NPFF: variants seen among roughly 807,000 people sequenced by gnomAD.
NPFF encodes neuropeptide FF-amide peptide precursor, also known as pro-FMRFamide-related neuropeptide FF.
A neutral mutation model predicts 12.9 loss-of-function variants in NPFF; 14 were observed. The observed-to-expected ratio is 1.09, with a 90% CI of 0.72 to 1.70. The LOEUF (loss-of-function observed/expected upper bound fraction) is 1.70. Ranked by LOEUF, NPFF falls within the 40% of genes most tolerant of loss-of-function variation. The pLI, the probability that NPFF is intolerant of heterozygous loss-of-function variation, is 0.00. For missense variants in NPFF, 140 were observed against 135.7 expected (o/e 1.03, Z -0.16); for synonymous variants, 56 against 57.3 (o/e 0.98, Z 0.10).
chr12:53,507,430 TAAC>T lies in NPFF; in HGVS notation c.42_44del (p.Leu15del), dbSNP rs777781640. ...GCCCTTCAGCACAGCCCCCGTCTAT[TAAC>T]AGCAGCAGCACCAGCAGTGCAGCAG... On this transcript the variant is annotated inframe_deletion, in exon 1 of 3. Transcript: ENST00000267017. 10 of 1,613,770 alleles carry T rather than the reference TAAC, an allele frequency of 6.2e-6. No individual in the cohort carries two copies. The highest frequency in any genetic ancestry group is 4.4e-5 in the South Asian group (4 of 91,078).
At chr12:53,506,924 A>G (rs1271096081) in intron 2 of NPFF, 31 bp from the exon 3 acceptor site, 2 of 1,579,062 alleles carry the variant, frequency 1.3e-6, no homozygotes, top group East Asian at 4.5e-5. Flanking sequence ...AGGTCCCCGC[A>G]GTCTCCCTTC....
Position 53,506,887 on chromosome 12 carries a change from G to A in NPFF, c.231C>T (p.Gly77=). 1 of 1,591,670 alleles carries A rather than the reference G, an allele frequency of 6.3e-7. No individual in the cohort carries two copies. The highest frequency in any genetic ancestry group is 1.1e-5 in the South Asian group (1 of 87,532). Residue 77 remains glycine (G), a synonymous_variant, in exon 3 of 3, where the codon GGC becomes GGT. Transcript: ENST00000267017. ...TCCTCCAGGATCCCTGGGTATTTCT[G>A]CCAAACCTTAGGAAAGATTTGTCCT... ...QAFLFQPQRF[G]RNTQGSWRNE...
chr12:53,506,898 G>C lies in NPFF; in HGVS notation c.225-5C>G. ...CCCTGGGTATTTCTGCCAAACCTTA[G>C]GAAAGATTTGTCCTCAGGTCCCCGC... On this transcript the variant is annotated splice_polypyrimidine_tract_variant and splice_region_variant and intron_variant, in intron 2 of 2. Coordinates refer to ENST00000267017, the MANE Select transcript of NPFF (RefSeq NM_003717.4). The C allele has an allele frequency of 6.3e-7, 1 of 1,585,954 alleles. No individual in the cohort carries two copies.
At position 53,507,057 on chromosome 12, in the gene NPFF, G is replaced by C. The variant is rs746108356; in HGVS notation, c.188C>G (p.Pro63Arg). ...AAACAGGAAGGCTTGGCTCCGGCCA[G>C]GTCTCTCCATTGCCTGGAGCAGGTA... ...LHYLLQAMER[P>R]GRSQAFLFQP... The change falls in exon 2 of 3, where the codon CCT (proline) becomes CGT (arginine). Residue 63 changes from proline (P) to arginine (R), a missense_variant. Coordinates refer to ENST00000267017, the MANE Select transcript of NPFF (RefSeq NM_003717.4). 3.5e-5 allele frequency: 56 copies of C among 1,613,980 alleles called. No individual in the cohort carries two copies. Among genetic ancestry groups the C allele is most frequent in the Non-Finnish European group, 4.5e-5 (53 of 1,180,034 alleles).
intron 1 of NPFF, 51 bp from the exon 2 acceptor site, chr12:53,507,193 G>GT: frequency 6.2e-7 from 1 of 1,600,540 alleles, no homozygotes; most frequent in Non-Finnish European, 8.5e-7. Flanking sequence ...CCCTGGACAC[G>GT]TAAGTCACAA....
In NPFF at chr12:53,506,811, T is replaced by C; in HGVS notation, c.307A>G (p.Ser103Gly). 6.3e-7 allele frequency: 1 copy of C among 1,595,536 alleles called. No individual in the cohort carries two copies. The highest frequency in any genetic ancestry group is 8.5e-7 in the Non-Finnish European group (1 of 1,171,098). Residue 103 changes from serine (S) to glycine (G), a missense_variant, in exon 3 of 3, where the codon AGC (serine) becomes GGC (glycine). Transcript: ENST00000267017. ...AGEGLNSQFW[S>G]LAAPQRFGKK ...CCAAAGCGTTGAGGGGCAGCCAGGCTCCAGAACTGGGAATTCAGCCCCTCT... is the reference window on the plus strand; with the variant it reads ...CCAAAGCGTTGAGGGGCAGCCAGGCCCCAGAACTGGGAATTCAGCCCCTCT...
Position 53,507,043 on chromosome 12 carries a change from C to A in NPFF, c.202G>T (p.Ala68Ser). 6.2e-7 allele frequency: 1 copy of A among 1,613,972 alleles called. No homozygotes were observed. ...QAMERPGRSQ[A>S]FLFQPQRFGR... ...CACCTCTGGGGCTGAAACAGGAAGG[C>A]TTGGCTCCGGCCAGGTCTCTCCATT... Residue 68 changes from alanine (A) to serine (S), a missense_variant, in exon 2 of 3, where the codon GCC becomes TCC. By Grantham distance (99) the Ala-to-Ser change is moderately conservative. Coordinates refer to ENST00000267017, the MANE Select transcript of NPFF (RefSeq NM_003717.4).
Position 53,507,392 on chromosome 12 carries a change from TG to T in NPFF, c.82del (p.Gln28ArgfsTer62). 1 of 1,614,106 alleles carries T rather than the reference TG, an allele frequency of 6.2e-7. No individual in the cohort carries two copies. The highest frequency in any genetic ancestry group is 8.5e-7 in the Non-Finnish European group (1 of 1,179,988). On this transcript the variant is annotated frameshift_variant, in exon 1 of 3. Coordinates refer to ENST00000267017, the MANE Select transcript of NPFF (RefSeq NM_003717.4). LOFTEE classifies it high-confidence loss of function. Reference sequence around the variant, plus strand: ...ACTCACCGCGGAGAGCTGGTCTTCCTGCTGGCCTCCTGGCCCTTCAGCACAG... The same window carrying T: ...ACTCACCGCGGAGAGCTGGTCTTCCTCTGGCCTCCTGGCCCTTCAGCACAG... The part of the protein sequence containing the change: ...GGCAEGPGGQ[Q>X]EDQLSAEEDS...
Position 53,507,136 on chromosome 12 carries a change from C to G in NPFF, c.109G>C (p.Asp37His), listed in dbSNP as rs138678500. The G allele has an allele frequency of 2.5e-5, 41 of 1,613,730 alleles. No homozygotes were observed. The African/African-American group carries it at 5.1e-4, about 20-fold the overall frequency. ...QQEDQLSAEEDSEPLPPQDAQ... is the reference protein window; with the variant it reads ...QQEDQLSAEEHSEPLPPQDAQ... ...TCCTGTGGTGGGAGGGGTTCGCTGT[C>G]TTCCTCCTGTGCCAAGGGGGTATCA... Residue 37 changes from aspartate (D) to histidine (H), a missense_variant, in exon 2 of 3, where the codon GAC becomes CAC. Asp to His is a moderately conservative substitution (Grantham distance 81). Coordinates refer to ENST00000267017, the MANE Select transcript of NPFF (RefSeq NM_003717.4).
rs1215599243 is a variant in NPFF, at chr12:53,507,103, T to C, written c.142A>G (p.Thr48Ala). Residue 48 changes from threonine (T) to alanine (A), a missense_variant, in exon 2 of 3, where the codon ACC becomes GCC. Coordinates refer to ENST00000267017, the MANE Select transcript of NPFF (RefSeq NM_003717.4). ...SEPLPPQDAQ[T>A]SGSLLHYLLQ... The stretch of plus-strand genomic sequence containing the variant: ...AGGTAGTGCAACAGTGACCCAGAGG[T>C]CTGGGCATCCTGTGGTGGGAGGGGT... 6.2e-7 allele frequency: 1 copy of C among 1,613,756 alleles called. No individual in the cohort carries two copies. The highest frequency in any genetic ancestry group is 8.5e-7 in the Non-Finnish European group (1 of 1,179,974).
rs1306049023 is a variant in NPFF at position 53,506,845 on chromosome 12, G to A, written c.273C>T (p.Pro91=). The A allele has an allele frequency of 6.2e-7, 1 of 1,604,450 alleles. No individual in the cohort carries two copies. The highest frequency in any genetic ancestry group is 8.5e-7 in the Non-Finnish European group (1 of 1,175,430). The change falls in exon 3 of 3, where the codon CCC becomes CCT. Residue 91 remains proline (P), a synonymous_variant. Coordinates refer to ENST00000267017, the MANE Select transcript of NPFF (RefSeq NM_003717.4). ...GGGAATTCAGCCCCTCTCCAGCCCG[G>A]GGACTCAGCCATTCATTCCTCCAGG... The part of the protein sequence containing the change: ...QGSWRNEWLS[P]RAGEGLNSQF...
In NPFF at chr12:53,506,841, C is replaced by A. The variant is rs531457356; in HGVS notation, c.277G>T (p.Ala93Ser). The stretch of plus-strand genomic sequence containing the variant: ...AACTGGGAATTCAGCCCCTCTCCAG[C>A]CCGGGGACTCAGCCATTCATTCCTC... The part of the protein sequence containing the change: ...SWRNEWLSPR[A>S]GEGLNSQFWS... The change falls in exon 3 of 3, where the codon GCT becomes TCT. Residue 93 changes from alanine to serine, a missense_variant. Coordinates refer to ENST00000267017, the MANE Select transcript of NPFF (RefSeq NM_003717.4). 2 of 1,604,070 alleles carry A rather than the reference C, an allele frequency of 1.2e-6. No individual in the cohort carries two copies. The highest frequency in any genetic ancestry group is 1.3e-5 in the African/African-American group (1 of 74,696).
chr12:53,507,076 G>T lies in NPFF; in HGVS notation c.169C>A (p.Leu57Ile). 1 of 1,614,132 alleles carries T rather than the reference G, an allele frequency of 6.2e-7. No homozygotes were observed. The highest frequency in any genetic ancestry group is 8.5e-7 in the Non-Finnish European group (1 of 1,180,036). ...CGGCCAGGTCTCTCCATTGCCTGGA[G>T]CAGGTAGTGCAACAGTGACCCAGAG... ...QTSGSLLHYL[L>I]QAMERPGRSQ... The change falls in exon 2 of 3, where the codon CTC (leucine) becomes ATC (isoleucine). Residue 57 changes from leucine (L) to isoleucine (I), a missense_variant. Coordinates refer to ENST00000267017, the MANE Select transcript of NPFF (RefSeq NM_003717.4).
In NPFF at chr12:53,506,795, T is replaced by C. The variant is rs1415475084; in HGVS notation, c.323A>G (p.Gln108Arg). The change falls in exon 3 of 3, where the codon CAA (glutamine) becomes CGA (arginine). Residue 108 changes from glutamine to arginine, a missense_variant. Transcript: ENST00000267017. ...GACATGTCACTTCTTCCCAAAGCGT[T>C]GAGGGGCAGCCAGGCTCCAGAACTG... Reference protein sequence around the residue: ...NSQFWSLAAPQRFGKK With the variant: ...NSQFWSLAAPRRFGKK 6.3e-7 allele frequency: 1 copy of C among 1,576,876 alleles called. No homozygotes were observed. Among genetic ancestry groups the C allele is most frequent in the Non-Finnish European group, 8.6e-7 (1 of 1,162,156 alleles).
Position 53,507,099 on chromosome 12 carries a change from G to C in NPFF, c.146C>G (p.Ser49Cys). ...EPLPPQDAQT[S>C]GSLLHYLLQA... The stretch of plus-strand genomic sequence containing the variant: ...GAGCAGGTAGTGCAACAGTGACCCA[G>C]AGGTCTGGGCATCCTGTGGTGGGAG... The change falls in exon 2 of 3, where the codon TCT becomes TGT. Residue 49 changes from serine to cysteine, a missense_variant. Ser to Cys is a moderately radical substitution (Grantham distance 112). Transcript: ENST00000267017. The C allele has an allele frequency of 1.9e-6, 3 of 1,614,148 alleles. No homozygotes were observed. Among genetic ancestry groups the C allele is most frequent in the Non-Finnish European group, 2.5e-6 (3 of 1,180,026 alleles).
chr12:53,507,360 GAC>G lies in NPFF; in HGVS notation c.102+11_102+12del, dbSNP rs1207235618. 3.7e-6 allele frequency: 6 copies of G among 1,613,886 alleles called. No homozygotes were observed. The highest frequency in any genetic ancestry group is 2.7e-5 in the African/African-American group (2 of 74,886). On this transcript the variant is annotated intron_variant, in intron 1 of 2. Coordinates refer to ENST00000267017, the MANE Select transcript of NPFF (RefSeq NM_003717.4). ...AGAGGCAATGGTGATATGGGGATGG[GAC>G]ACACACTCACCGCGGAGAGCTGGTC... is the stretch of plus-strand genomic sequence containing the variant.
chr12:53,507,122 G>T lies in NPFF; in HGVS notation c.123C>A (p.Leu41=), dbSNP rs761801042. ...QLSAEEDSEP[L]PPQDAQTSGS... Reference sequence around the variant, plus strand: ...CAGAGGTCTGGGCATCCTGTGGTGGGAGGGGTTCGCTGTCTTCCTCCTGTG... The same window carrying T: ...CAGAGGTCTGGGCATCCTGTGGTGGTAGGGGTTCGCTGTCTTCCTCCTGTG... Residue 41 remains leucine, a synonymous_variant, in exon 2 of 3, where the codon CTC becomes CTA. Coordinates refer to ENST00000267017, the MANE Select transcript of NPFF (RefSeq NM_003717.4). The T allele has an allele frequency of 6.2e-7, 1 of 1,614,080 alleles. No homozygotes were observed. The highest frequency in any genetic ancestry group is 1.1e-5 in the South Asian group (1 of 91,072).
rs370685355 is a variant in NPFF at position 53,506,750 on chromosome 12, A to G, written c.*26T>C. 4 of 1,469,680 alleles carry G rather than the reference A, an allele frequency of 2.7e-6. No homozygotes were observed. In the African/African-American group the frequency reaches 5.6e-5, roughly 21 times the overall value. 91.0% of individuals were successfully genotyped at this position (1,469,680 alleles called of 1,614,324 possible). ...TGACACTTTTGGGTGTGGACCTTGC[A>G]TGCAGACATATCAAGGGATGACATG... On this transcript the variant is annotated 3_prime_UTR_variant, in exon 3 of 3. Transcript: ENST00000267017.
chr12:53,507,370 C>T lies in NPFF; in HGVS notation c.102+3G>A, dbSNP rs773923126. 1.7e-5 allele frequency: 28 copies of T among 1,613,978 alleles called. No individual in the cohort carries two copies. The highest frequency in any genetic ancestry group is 7.7e-5 in the South Asian group (7 of 91,084). Reference sequence around the variant, plus strand: ...GTGATATGGGGATGGGACACACACTCACCGCGGAGAGCTGGTCTTCCTGCT... The same window carrying T: ...GTGATATGGGGATGGGACACACACTTACCGCGGAGAGCTGGTCTTCCTGCT... On this transcript the variant is annotated splice_donor_region_variant and intron_variant, in intron 1 of 2. Coordinates refer to ENST00000267017, the MANE Select transcript of NPFF (RefSeq NM_003717.4).
Sources: allele counts gnomAD v4.1 joint callset, GRCh38; gene constraint gnomAD v4.1.1; transcripts MANE v1.5; gene names NCBI Gene and HGNC (gene_info 2026-07-23, HGNC 2026-07-21).